The following IGDCC3 variants were observed in gnomAD, a reference collection of about 807,000 sequenced individuals.
IGDCC3 encodes the protein immunoglobulin superfamily DCC subclass member 3.
In IGDCC3, 47 loss-of-function variants were observed where a neutral mutation model predicts 72.0. The ratio of observed to expected loss-of-function variants is 0.65; its 90% CI spans 0.52 to 0.83. The LOEUF (loss-of-function observed/expected upper bound fraction) is 0.83, where lower values mean the gene tolerates loss of function less well. Ranked by LOEUF, IGDCC3 falls within the 40% of genes least tolerant of loss-of-function variation. IGDCC3 has a pLI of 0.00. For missense variants in IGDCC3, 1,038 were observed against 1,091.3 expected, an observed-to-expected ratio of 0.95 and a Z score of 0.69; for synonymous variants, 477 against 472.8, an observed-to-expected ratio of 1.01 and a Z score of -0.11.
At chr15:65,341,009 G>A (rs61315228) in intron 2 of IGDCC3, among the ~76,000 whole-genome samples, 2,991 of 152,296 alleles carry the variant, frequency 0.02, 93 homozygotes, top group African/African-American at 0.068. Context: ...GATTACAGGC[G>A]TGAGCCACCA....
intron 2 of IGDCC3, 149 bp from the exon 3 acceptor site, chr15:65,336,105 C>A (rs1214935131): frequency 4.1e-6 from 3 of 725,702 alleles, no homozygotes; most frequent in Non-Finnish European, 6.9e-6. Context: ...GCTTGGGGGA[C>A]CCATCAGCAC....
intron 2 of IGDCC3, among the ~76,000 whole-genome samples, chr15:65,338,824 C>T (rs2091053724): frequency 6.6e-6 from 1 of 152,234 alleles, no homozygotes; most frequent in South Asian, 2.1e-4. Context: ...GATCCACAAT[C>T]TCTGGGCCAG....
intron 2 of IGDCC3, among the ~76,000 whole-genome samples, chr15:65,368,494 C>T (rs1271915340): frequency 3.9e-5 from 6 of 152,138 alleles, no homozygotes; most frequent in African/African-American, 9.7e-5. Flanking sequence ...GAACCAGAAG[C>T]GTTCGACTTC....
intron 2 of IGDCC3, among the ~76,000 whole-genome samples, chr15:65,348,156 A>G (rs981441436): frequency 5.3e-5 from 8 of 152,160 alleles, no homozygotes; most frequent in Admixed American, 5.2e-4. Context: ...AGGCATGCAT[A>G]ATCCACCCCT....
intron 3 of IGDCC3, 98 bp downstream of exon 3, chr15:65,335,714 C>G (rs1402839620): frequency 8.6e-6 from 12 of 1,400,194 alleles, no homozygotes; most frequent in Non-Finnish European, 1.2e-5. Flanking sequence ...CCTGTGGGCA[C>G]CAACTGCAGC....
At chr15:65,361,127 C>G (rs1484961370) in intron 2 of IGDCC3, among the ~76,000 whole-genome samples, 1 of 152,098 alleles carries the variant, frequency 6.6e-6, no homozygotes, top group Non-Finnish European at 1.5e-5. Flanking sequence ...AGCTCTAGCT[C>G]CTTGTCAGAA....
intron 2 of IGDCC3, among the ~76,000 whole-genome samples, chr15:65,358,005 C>T (rs1433775398): frequency 6.6e-6 from 1 of 152,154 alleles, no homozygotes; most frequent in African/African-American, 2.4e-5. Context: ...TTCCCCTCCA[C>T]CTTCAGGATT....
At chr15:65,353,441 G>A (rs942905217) in intron 2 of IGDCC3, among the ~76,000 whole-genome samples, 4 of 152,038 alleles carry the variant, frequency 2.6e-5, no homozygotes, top group Admixed American at 2.0e-4. Flanking sequence ...TAGTAGAGAC[G>A]GGGTTTCACC....
chr15:65,332,805 G>C (rs1349488747), intron 6 of IGDCC3, among the ~76,000 whole-genome samples: 1 of 152,208 alleles, frequency 6.6e-6, no homozygotes, highest in Non-Finnish European at 1.5e-5. Flanking sequence ...CCCCACGGGA[G>C]GGGAGGCAGC....
At chr15:65,348,536 T>C (rs1267158853) in intron 2 of IGDCC3, among the ~76,000 whole-genome samples, 3 of 152,220 alleles carry the variant, frequency 2.0e-5, no homozygotes, top group Non-Finnish European at 4.4e-5. Flanking sequence ...CAGTGCTGAC[T>C]GGAAGACTTT....
chr15:65,333,018 G>GC (rs113561484), intron 6 of IGDCC3, among the ~76,000 whole-genome samples: 138,323 of 152,062 alleles, frequency 0.91, 63,897 homozygotes, highest in East Asian at 1. Flanking sequence ...GGTATTGACG[G>GC]ACCCGGAGGG....
At chr15:65,359,294 G>A (rs1447525264) in intron 2 of IGDCC3, among the ~76,000 whole-genome samples, 4 of 152,120 alleles carry the variant, frequency 2.6e-5, no homozygotes. Flanking sequence ...ATGCTTTGTT[G>A]TCATTATGGT....
At chr15:65,353,673 A>G (rs1368532638) in intron 2 of IGDCC3, among the ~76,000 whole-genome samples, 1 of 152,196 alleles carries the variant, frequency 6.6e-6, no homozygotes, top group Non-Finnish European at 1.5e-5. Flanking sequence ...CAAACCCACC[A>G]AAACCAAAAT....
Position 65,329,816 on chromosome 15 carries a change from G to A in IGDCC3, c.1907C>T (p.Thr636Met), listed in dbSNP as rs372706137. The A allele has an allele frequency of 3.7e-5, 59 of 1,614,012 alleles. No homozygotes were observed. The highest frequency in any genetic ancestry group is 1.6e-4 in the Middle Eastern group (1 of 6,084). The change falls in exon 12 of 14, where the codon ACG becomes ATG. Residue 636 changes from threonine (T) to methionine (M), a missense_variant. Physicochemically the swap from Thr to Met is moderately conservative, Grantham distance 81. Coordinates refer to ENST00000327987, the MANE Select transcript of IGDCC3 (RefSeq NM_004884.4). This position sits in a 1 kb window ranked among gnomAD's most constrained non-coding sequence, Gnocchi z 4.1. ...GCCGATGACGATGCCTGTGGTGGAC[G>A]TCTGGTTGGCGGCCTCCTCCTTCCG... Reference protein sequence around the residue: ...DCRKEEAANQTSTTGIVIGIH... With the variant: ...DCRKEEAANQMSTTGIVIGIH...
chr15:65,329,138 G>A lies in IGDCC3; in HGVS notation c.2216C>T (p.Ala739Val). 1 of 1,606,066 alleles carries A rather than the reference G, an allele frequency of 6.2e-7. No homozygotes were observed. ...QPDPRPTQDPAAPAPCEETQL... is the reference protein window; with the variant it reads ...QPDPRPTQDPVAPAPCEETQL... The stretch of plus-strand genomic sequence containing the variant: ...GGTCTCCTCACACGGAGCGGGGGCT[G>A]CAGGATCCTGCTGGGGAAAGAGCCC... The change falls in exon 14 of 14, where the codon GCA (alanine) becomes GTA (valine). Residue 739 changes from alanine (A) to valine (V), a missense_variant. Transcript: ENST00000327987. The surrounding 1 kb of genome is among the most constrained non-coding windows in gnomAD (Gnocchi z 4.1).
intron 2 of IGDCC3, among the ~76,000 whole-genome samples, chr15:65,347,788 G>A (rs1217795605): frequency 5.3e-5 from 8 of 152,060 alleles, no homozygotes; most frequent in South Asian, 2.1e-4. Context: ...AAAATTAGCC[G>A]GGCATGGTGG....
At chr15:65,376,177 A>G (rs1407078261) in intron 1 of IGDCC3, among the ~76,000 whole-genome samples, 1 of 152,190 alleles carries the variant, frequency 6.6e-6, no homozygotes, top group African/African-American at 2.4e-5. Flanking sequence ...AACACCAACT[A>G]TGGTTTCCCA....
intron 5 of IGDCC3, 182 bp downstream of exon 5, chr15:65,334,546 C>T: frequency 1.7e-6 from 1 of 596,378 alleles, no homozygotes; most frequent in Non-Finnish European, 2.8e-6. Context: ...GCAGGCGGGC[C>T]TCCCTGGTCC....
chr15:65,335,364 A>G lies in IGDCC3; in HGVS notation c.612T>C (p.Gly204=), dbSNP rs754302311. The G allele has an allele frequency of 8.7e-6, 14 of 1,613,850 alleles. No homozygotes were observed. Among genetic ancestry groups the G allele is most frequent in the African/African-American group, 1.3e-5 (1 of 74,954 alleles). Residue 204 remains glycine, a synonymous_variant, in exon 4 of 14, where the codon GGT becomes GGC. Transcript: ENST00000327987. ...LQITGLRAED[G]GIFHCVASNI... is the part of the protein sequence containing the mutation. ...TTGAGGCCACACAGTGGAAGATGCC[A>G]CCGTCCTCAGCTCGAAGTCCTGTGA...
Sources: allele counts gnomAD v4.1 joint callset (sites outside exome capture counted in the v4.1 genomes callset), GRCh38; gene constraint gnomAD v4.1.1; non-coding constraint Gnocchi (gnomAD v3.1); transcripts MANE v1.5; gene names NCBI Gene and HGNC (gene_info 2026-07-23, HGNC 2026-07-21).